ARMC8: variants seen among roughly 807,000 people sequenced by gnomAD.
ARMC8 encodes the protein armadillo repeat containing 8.
Under a neutral mutation model 99.3 loss-of-function variants are expected in ARMC8, and 20 were observed. The ratio of observed to expected loss-of-function variants is 0.20; its 90% CI spans 0.14 to 0.29. ARMC8 has a LOEUF of 0.29. Ranked by LOEUF, ARMC8 falls within the 10% of genes least tolerant of loss-of-function variation. The pLI is 1.00. For synonymous variants in ARMC8, 263 were observed against 278.3 expected (o/e 0.95, Z 0.55); for missense variants, 569 against 809.5 (o/e 0.70, Z 3.60).
chr3:138,228,002 CAG>C (rs1193800599), intron 5 of ARMC8, among the ~76,000 whole-genome samples: 1 of 152,162 alleles, frequency 6.6e-6, no homozygotes, highest in Admixed American at 6.6e-5. Flanking sequence ...TTTTTTGAGA[CAG>C]AGTCTTGCTC....
chr3:138,203,654 T>C (rs1312226600), intron 1 of ARMC8, among the ~76,000 whole-genome samples: 1 of 152,228 alleles, frequency 6.6e-6, no homozygotes, highest in African/African-American at 2.4e-5. Flanking sequence ...CCTACTTACT[T>C]GATCCAGTCC....
At chr3:138,199,065 C>G (rs1371868454) in intron 1 of ARMC8, among the ~76,000 whole-genome samples, 2 of 152,018 alleles carry the variant, frequency 1.3e-5, no homozygotes, top group African/African-American at 4.8e-5. Flanking sequence ...ACTGTTGAGG[C>G]CCAGATGCAT....
intron 19 of ARMC8, among the ~76,000 whole-genome samples, chr3:138,285,683 C>G (rs2050341007): frequency 6.6e-6 from 1 of 152,176 alleles, no homozygotes; most frequent in South Asian, 2.1e-4. Flanking sequence ...TGTGTGCCTA[C>G]TGGGTGTCTT....
At chr3:138,274,948 C>T (rs1210206315) in intron 18 of ARMC8, among the ~76,000 whole-genome samples, 2 of 152,224 alleles carry the variant, frequency 1.3e-5, no homozygotes, top group Non-Finnish European at 2.9e-5. Flanking sequence ...AATAATTCCT[C>T]ATCCTGGAGA....
intron 18 of ARMC8, among the ~76,000 whole-genome samples, chr3:138,283,455 T>C (rs1346265114): frequency 1.3e-5 from 2 of 152,334 alleles, no homozygotes; most frequent in East Asian, 3.9e-4. Flanking sequence ...TGCTCTTTCT[T>C]CATGCCTTCT....
intron 18 of ARMC8, among the ~76,000 whole-genome samples, chr3:138,282,712 T>C (rs1193436073): frequency 2.0e-5 from 3 of 151,254 alleles, no homozygotes; most frequent in African/African-American, 4.9e-5. Flanking sequence ...GGCTAGAATA[T>C]AGGGAAAGCA....
At chr3:138,237,191 G>T in intron 7 of ARMC8, 118 bp from the exon 8 acceptor site, 1 of 808,032 alleles carries the variant, frequency 1.2e-6, no homozygotes, top group South Asian at 1.6e-5. Flanking sequence ...TTTCTTTGAG[G>T]CCTGTTAGTA....
chr3:138,288,634 A>AC (rs2050645771), intron 19 of ARMC8, among the ~76,000 whole-genome samples: 1 of 131,774 alleles, frequency 7.6e-6, no homozygotes, highest in African/African-American at 2.7e-5. Context: ...TCTTCTTCAG[A>AC]CTTTTTTTTT....
chr3:138,256,399 C>CTCCTTTTT (rs1559998385), intron 12 of ARMC8, among the ~76,000 whole-genome samples: 4 of 140,868 alleles, frequency 2.8e-5, no homozygotes, highest in African/African-American at 1.1e-4. Flanking sequence ...TTTTTTCCTC[C>CTCCTTTTT]TTCTTTTTTT....
intron 18 of ARMC8, among the ~76,000 whole-genome samples, chr3:138,282,348 GA>G (rs2050011815): frequency 6.6e-6 from 1 of 152,000 alleles, no homozygotes; most frequent in Non-Finnish European, 1.5e-5. Flanking sequence ...GAGAGGGAGA[GA>G]GAAAAGAATA....
At chr3:138,236,997 G>C (rs2046366973) in intron 7 of ARMC8, among the ~76,000 whole-genome samples, 1 of 151,940 alleles carries the variant, frequency 6.6e-6, no homozygotes, top group Non-Finnish European at 1.5e-5. Flanking sequence ...GTAATTAATT[G>C]TTACTAAGTT....
At chr3:138,287,794 A>G in intron 19 of ARMC8, 1 of 395,814 alleles carries the variant, frequency 2.5e-6, no homozygotes, top group Non-Finnish European at 5.2e-6. Context: ...CCTTGAAAAA[A>G]CCATTGAGCA....
intron 18 of ARMC8, 115 bp downstream of exon 18, chr3:138,274,659 G>A (rs940999409): frequency 1.7e-5 from 12 of 721,650 alleles, no homozygotes; most frequent in Non-Finnish European, 2.8e-5. Flanking sequence ...GATGGGAGAT[G>A]CTCTAGAAAT....
At chr3:138,279,384 T>C (rs2049646075) in intron 18 of ARMC8, among the ~76,000 whole-genome samples, 2 of 152,224 alleles carry the variant, frequency 1.3e-5, no homozygotes, top group African/African-American at 4.8e-5. Flanking sequence ...ACTAACATAT[T>C]TGAGGTAAAC....
At chr3:138,220,637 A>G (rs183373661) in intron 2 of ARMC8, among the ~76,000 whole-genome samples, 211 of 151,840 alleles carry the variant, frequency 1.4e-3, no homozygotes, top group Non-Finnish European at 2.6e-3. Context: ...GCCAGTAAAT[A>G]TGATTGGTGT....
intron 6 of ARMC8, among the ~76,000 whole-genome samples, chr3:138,231,540 T>C (rs1419001637): frequency 3.9e-5 from 6 of 152,192 alleles, no homozygotes; most frequent in Admixed American, 3.3e-4. Context: ...AGAAATAGTA[T>C]TTGTTGAAAT....
At chr3:138,189,836 C>T (rs1245358347) in intron 1 of ARMC8, among the ~76,000 whole-genome samples, 1 of 152,172 alleles carries the variant, frequency 6.6e-6, no homozygotes, top group Non-Finnish European at 1.5e-5. Context: ...GGATGACACC[C>T]ATCGCTTCCA....
intron 18 of ARMC8, among the ~76,000 whole-genome samples, chr3:138,276,863 G>A (rs1381562806): frequency 6.6e-6 from 1 of 152,140 alleles, no homozygotes; most frequent in African/African-American, 2.4e-5. Flanking sequence ...CAGCATGTTT[G>A]TTTATAAATA....
chr3:138,200,048 T>G (rs1015161880), intron 1 of ARMC8, among the ~76,000 whole-genome samples: 2 of 152,240 alleles, frequency 1.3e-5, no homozygotes, highest in African/African-American at 2.4e-5. Flanking sequence ...TCACACACTC[T>G]GCTTATAATA....
Sources: gnomAD v4.1 joint callset for allele counts (sites outside exome capture counted in the v4.1 genomes callset) on GRCh38, gnomAD v4.1.1 for gene constraint, MANE v1.5 for transcripts, NCBI Gene and HGNC (gene_info 2026-07-23, HGNC 2026-07-21) for gene names.